The following TLK1 variants were observed in gnomAD, a reference collection of about 807,000 sequenced individuals.
TLK1 encodes the protein tousled like kinase 1.
TLK1 carries 24 observed loss-of-function variants against 105.3 expected under a neutral mutation model. The ratio of observed to expected loss-of-function variants is 0.23; its 90% CI spans 0.17 to 0.32. The LOEUF (loss-of-function observed/expected upper bound fraction) is 0.32, where lower values mean the gene tolerates loss of function less well. Ranked by LOEUF, TLK1 falls within the 10% of genes least tolerant of loss-of-function variation. The probability of loss-of-function intolerance (pLI) is 1.00; values close to 1 mark genes in which losing one functional copy is unlikely to be tolerated. For synonymous variants in TLK1, 321 were observed against 310.4 expected, an observed-to-expected ratio of 1.03 and a Z score of -0.36; for missense variants, 558 against 910.5, an observed-to-expected ratio of 0.61 and a Z score of 4.98.
chr2:171,039,317 G>A (rs538353347), intron 11 of TLK1, among the ~76,000 whole-genome samples: 1 of 152,312 alleles, frequency 6.6e-6, no homozygotes, highest in South Asian at 2.1e-4. Context: ...CCAGGCTGGA[G>A]TGCAATGGCA....
At chr2:171,181,990 C>T (rs944491889) in intron 1 of TLK1, among the ~76,000 whole-genome samples, 2 of 152,170 alleles carry the variant, frequency 1.3e-5, no homozygotes, top group African/African-American at 4.8e-5. Context: ...TTTGAAAGAT[C>T]ACTTACTGAA....
At chr2:171,117,908 T>C (rs759209167) in intron 1 of TLK1, 51 bp from the exon 2 acceptor site, 5 of 1,259,424 alleles carry the variant, frequency 4.0e-6, no homozygotes, top group Admixed American at 2.2e-5. Context: ...GTGTATACTT[T>C]ATACTTACAC....
At chr2:171,007,139 T>C (rs1227988172) in intron 14 of TLK1, 76 bp from the exon 15 acceptor site, 28 of 1,287,638 alleles carry the variant, frequency 2.2e-5, no homozygotes, top group Non-Finnish European at 2.8e-5. Context: ...ATTTTGGTGA[T>C]AATTTTTGCA....
chr2:171,060,440 A>T (rs1390401912), intron 4 of TLK1, among the ~76,000 whole-genome samples: 1 of 152,164 alleles, frequency 6.6e-6, no homozygotes, highest in Non-Finnish European at 1.5e-5. Context: ...TATATACACC[A>T]GTAAGTCATG....
intron 14 of TLK1, 120 bp from the exon 15 acceptor site, chr2:171,007,183 T>A: frequency 1.4e-6 from 1 of 690,604 alleles, no homozygotes; most frequent in Non-Finnish European, 2.4e-6. Context: ...CTACAATTAT[T>A]AATGATCTTC....
At chr2:170,994,685 C>T (rs1361643176) in intron 20 of TLK1, 1 of 517,880 alleles carries the variant, frequency 1.9e-6, no homozygotes, top group African/African-American at 1.9e-5. Context: ...TGCCCAGTTC[C>T]AGGCACTGGC....
intron 1 of TLK1, among the ~76,000 whole-genome samples, chr2:171,229,661 C>T (rs1015877111): frequency 3.9e-5 from 6 of 152,168 alleles, no homozygotes; most frequent in Admixed American, 3.9e-4. Context: ...AGAAAGGGTG[C>T]AAACTTTGCA....
intron 11 of TLK1, among the ~76,000 whole-genome samples, chr2:171,031,500 G>C (rs751439984): frequency 5.7e-4 from 87 of 152,090 alleles, no homozygotes; most frequent in Non-Finnish European, 1.0e-3. Context: ...TTTATTCATA[G>C]ATAAGGCAAA....
chr2:171,206,593 C>A (rs1368528496), intron 1 of TLK1, among the ~76,000 whole-genome samples: 2 of 152,068 alleles, frequency 1.3e-5, no homozygotes, highest in African/African-American at 2.4e-5. Flanking sequence ...TTAATGGGGA[C>A]ATGATACTGG....
chr2:171,182,922 C>CAAAA (rs756752409), intron 1 of TLK1, among the ~76,000 whole-genome samples: 2 of 61,428 alleles, frequency 3.3e-5, no homozygotes, highest in African/African-American at 4.8e-5. Flanking sequence ...ACCCTGACTC[C>CAAAA]AAAAAAAAAA....
At chr2:171,099,103 A>G (rs1689581068) in intron 2 of TLK1, among the ~76,000 whole-genome samples, 1 of 152,186 alleles carries the variant, frequency 6.6e-6, no homozygotes, top group African/African-American at 2.4e-5. Context: ...AATAAAAGGT[A>G]AATACTAAAG....
Position 171,082,808 on chromosome 2 carries a change from C to T in TLK1, c.303G>A (p.Leu101=). The change falls in exon 3 of 21, where the codon TTG becomes TTA. Residue 101 remains leucine (L), a synonymous_variant. Transcript: ENST00000431350. ...CTGATTCTTTGTCACTTAAAGATCCCAAGCTTCCAAAACTGTGATTAGAGC... is the reference window on the plus strand; with the variant it reads ...CTGATTCTTTGTCACTTAAAGATCCTAAGCTTCCAAAACTGTGATTAGAGC... ...NESSNHSFGS[L]GSLSDKESET... is the part of the protein sequence containing the mutation. 5.6e-6 allele frequency: 9 copies of T among 1,610,090 alleles called. No homozygotes were observed. Among genetic ancestry groups the T allele is most frequent in the Non-Finnish European group, 7.6e-6 (9 of 1,178,546 alleles).
chr2:170,997,838 G>T lies in TLK1; in HGVS notation c.1905-15C>A. 2 of 1,519,870 alleles carry T rather than the reference G, an allele frequency of 1.3e-6. No individual in the cohort carries two copies. Among genetic ancestry groups the T allele is most frequent in the Non-Finnish European group, 1.8e-6 (2 of 1,114,740 alleles). 94.1% of individuals were successfully genotyped at this position (1,519,870 alleles called of 1,614,324 possible). A position where few individuals can be genotyped will look rare whatever the true frequency, so the allele number is the denominator to read the frequency against. On this transcript the variant is annotated splice_polypyrimidine_tract_variant and intron_variant, in intron 18 of 20. Transcript: ENST00000431350. The stretch of plus-strand genomic sequence containing the variant: ...GAGGTAAATACCTGTAAGTTTTGTG[G>T]GAGAGAAAAAAGGTTACTACTGACA...
At chr2:171,038,826 C>G (rs1447278652) in intron 11 of TLK1, among the ~76,000 whole-genome samples, 1 of 152,138 alleles carries the variant, frequency 6.6e-6, no homozygotes, top group Non-Finnish European at 1.5e-5. Flanking sequence ...CTATATATGT[C>G]CATTGGTTCA....
intron 1 of TLK1, among the ~76,000 whole-genome samples, chr2:171,129,242 T>C (rs56672677): frequency 6.6e-6 from 1 of 152,080 alleles, no homozygotes; most frequent in Non-Finnish European, 1.5e-5. Flanking sequence ...AATACAAAAA[T>C]ATAAAAGTAA....
chr2:171,005,394 G>A (rs1684597491), intron 18 of TLK1, among the ~76,000 whole-genome samples: 1 of 152,116 alleles, frequency 6.6e-6, no homozygotes, highest in South Asian at 2.1e-4. Context: ...TGAAAGTCAA[G>A]TCCAAAGAAT....
chr2:171,167,875 G>A (rs1692638047), intron 1 of TLK1, among the ~76,000 whole-genome samples: 2 of 152,036 alleles, frequency 1.3e-5, no homozygotes, highest in African/African-American at 4.8e-5. Flanking sequence ...AGTACAACAA[G>A]CAAACAGTGC....
At chr2:171,152,013 T>C (rs1471381027) in intron 1 of TLK1, among the ~76,000 whole-genome samples, 1 of 152,178 alleles carries the variant, frequency 6.6e-6, no homozygotes. Flanking sequence ...CACAAACCCC[T>C]CTGACCTTCA....
chr2:171,164,971 A>C (rs907968494), upstream of TLK1, among the ~76,000 whole-genome samples: 1 of 152,196 alleles, frequency 6.6e-6, no homozygotes, highest in Admixed American at 6.5e-5. Context: ...AAAAAAAGAA[A>C]AAGATTAGAT....
Sources: allele counts gnomAD v4.1 joint callset (sites outside exome capture counted in the v4.1 genomes callset), GRCh38; gene constraint gnomAD v4.1.1; transcripts MANE v1.5; gene names NCBI Gene and HGNC (gene_info 2026-07-23, HGNC 2026-07-21).